RB1: variants seen among roughly 807,000 people sequenced by gnomAD.
RB1 encodes the protein RB transcriptional corepressor 1.
RB1 carries 18 observed loss-of-function variants against 135.4 expected under a neutral mutation model. The observed-to-expected ratio is 0.13, with a 90% CI of 0.09 to 0.20. The LOEUF is 0.20. RB1 is among the 10% of genes least tolerant of loss of function. RB1 has a pLI of 1.00. For missense variants in RB1, 868 were observed against 1,110.0 expected (o/e 0.78, Z 3.10); for synonymous variants, 365 against 373.2 (o/e 0.98, Z 0.25).
intron 1 of RB1, among the ~76,000 whole-genome samples, chr13:48,305,897 T>C (rs1385220315): frequency 2.0e-5 from 3 of 152,248 alleles, no homozygotes; most frequent in Non-Finnish European, 4.4e-5. Context: ...GCCTTATCTC[T>C]GGCCTAAGTA....
rs985825511 is a variant in RB1 at position 48,303,883 on chromosome 13, G to A, written c.-30G>A. 6.6e-7 allele frequency: 1 copy of A among 1,513,622 alleles called. No homozygotes were observed. Among genetic ancestry groups the A allele is most frequent in the African/African-American group, 1.4e-5 (1 of 69,568 alleles). 93.8% of individuals were successfully genotyped at this position (1,513,622 alleles called of 1,614,324 possible). On this transcript the variant is annotated 5_prime_UTR_variant, in exon 1 of 27. Transcript: ENST00000267163. ...TCGTCCTCCCCGGCGCTCCTCCACA[G>A]CTCGCTGGCTCCCGCCGCGGAAAGG...
chr13:48,351,432 G>A (rs1185499168), intron 6 of RB1, among the ~76,000 whole-genome samples: 1 of 151,692 alleles, frequency 6.6e-6, no homozygotes, highest in African/African-American at 2.4e-5. Context: ...TAGTGGGGTT[G>A]GTTTTTTTTC....
Position 48,307,287 on chromosome 13 carries a change from T to A in RB1, c.145T>A (p.Phe49Ile), listed in dbSNP as rs746702843. 2 of 1,605,980 alleles carry A rather than the reference T, an allele frequency of 1.2e-6. No homozygotes were observed. Among genetic ancestry groups the A allele is most frequent in the South Asian group, 2.2e-5 (2 of 90,914 alleles). ...ATTATTTTCATTTGGTAGGCTTGAGTTTGAAGAAACAGAAGAACCTGATTT... is the reference window on the plus strand; with the variant it reads ...ATTATTTTCATTTGGTAGGCTTGAGATTGAAGAAACAGAAGAACCTGATTT... ...PEDLPLVRLE[F>I]EETEEPDFTA... is the part of the protein sequence containing the mutation. Residue 49 changes from phenylalanine to isoleucine, a missense_variant, in exon 2 of 27, where the codon TTT becomes ATT. Physicochemically the swap from Phe to Ile is conservative, Grantham distance 21 (BLOSUM62 0). Transcript: ENST00000267163.
intron 17 of RB1, chr13:48,404,290 G>T: frequency 6.6e-6 from 1 of 152,166 alleles, no homozygotes; most frequent in East Asian, 1.9e-4. Flanking sequence ...AGGAAAGGCA[G>T]TTCTTCCTAG....
At chr13:48,411,619 C>G (rs1376672116) in intron 17 of RB1, 1 of 1,612,088 alleles carries the variant, frequency 6.2e-7, no homozygotes, top group East Asian at 2.2e-5. Flanking sequence ...ATTGTCCTTA[C>G]TGCTGCCACT....
intron 2 of RB1, chr13:48,327,949 C>A: frequency 2.0e-6 from 1 of 510,748 alleles, no homozygotes; most frequent in Non-Finnish European, 3.5e-6. Flanking sequence ...ATTGGTGTAC[C>A]ACTCAATCTT....
At chr13:48,342,344 C>T (rs1952452514) in intron 2 of RB1, among the ~76,000 whole-genome samples, 1 of 151,114 alleles carries the variant, frequency 6.6e-6, no homozygotes, top group African/African-American at 2.4e-5. Flanking sequence ...CTAAAGTTTC[C>T]ACAATAACTT....
chr13:48,426,522 C>A (rs1490755165), intron 17 of RB1: 1 of 152,178 alleles, frequency 6.6e-6, no homozygotes, highest in Non-Finnish European at 1.5e-5. Flanking sequence ...GTCTTAATAT[C>A]CTCTAATGTT....
rs115182578 is a variant in RB1 at position 48,461,277 on chromosome 13, G to A, written c.2106+1444G>A. Among the ~76,000 whole-genome samples the A allele has an allele frequency of 1.0e-2, 1,520 of 152,170 alleles. 36 individuals carry two copies. The highest frequency in any genetic ancestry group is 0.035 in the African/African-American group (1,442 of 41,526). ...AATTATATAATATGTGGTCTTTTGT[G>A]TATGGCTTCTTTCATTTAGCATAAT... On this transcript the variant is annotated intron_variant, in intron 20 of 26. Transcript: ENST00000267163.
rs1451667942 is a variant in RB1, at chr13:48,465,281, G to A, written c.2402G>A (p.Gly801Glu). 2 of 1,612,246 alleles carry A rather than the reference G, an allele frequency of 1.2e-6. No individual in the cohort carries two copies. The highest frequency in any genetic ancestry group is 8.5e-7 in the Non-Finnish European group (1 of 1,178,390). The change falls in exon 23 of 27, where the codon GGA becomes GAA. Residue 801 changes from glycine to glutamate, a missense_variant. Coordinates refer to ENST00000267163, the MANE Select transcript of RB1 (RefSeq NM_000321.3). ...KFPSSPLRIP[G>E]GNIYISPLKS... ...CCTAGTTCACCCTTACGGATTCCTG[G>A]AGGGAACATCTATATTTCACCCCTG... is the stretch of plus-strand genomic sequence containing the variant.
intron 11 of RB1, among the ~76,000 whole-genome samples, chr13:48,370,011 C>T (rs577876078): frequency 6.6e-6 from 1 of 152,198 alleles, no homozygotes; most frequent in South Asian, 2.1e-4. Context: ...TAATATATTT[C>T]AAATGACTGT....
intron 2 of RB1, among the ~76,000 whole-genome samples, chr13:48,313,517 T>G (rs867768107): frequency 3.5e-4 from 52 of 146,782 alleles, no homozygotes; most frequent in African/African-American, 8.5e-4. Context: ...CAGTCTTGGG[T>G]TTTTTTTTGT....
intron 17 of RB1, among the ~76,000 whole-genome samples, chr13:48,399,915 T>C (rs1394839060): frequency 1.3e-5 from 2 of 152,020 alleles, no homozygotes; most frequent in Non-Finnish European, 2.9e-5. Flanking sequence ...TAGAGAAATA[T>C]TCATAACTTG....
At chr13:48,455,202 C>T (rs1383944385) in intron 18 of RB1, among the ~76,000 whole-genome samples, 2 of 151,840 alleles carry the variant, frequency 1.3e-5, no homozygotes, top group Admixed American at 6.6e-5. Flanking sequence ...TAAAAATAAC[C>T]CTAGGTTTTT....
intron 9 of RB1, 78 bp from the exon 10 acceptor site, chr13:48,367,416 A>G: frequency 1.3e-6 from 2 of 1,487,832 alleles, no homozygotes; most frequent in Non-Finnish European, 1.8e-6. Flanking sequence ...AAAATTCTTT[A>G]ATGAAATCTG....
At chr13:48,323,657 T>A (rs1263209515) in intron 2 of RB1, among the ~76,000 whole-genome samples, 1 of 152,108 alleles carries the variant, frequency 6.6e-6, no homozygotes, top group Non-Finnish European at 1.5e-5. Context: ...TTGTACTGCC[T>A]ACTTTTAGAA....
chr13:48,408,800 T>C (rs1948762867), intron 17 of RB1: 2 of 152,200 alleles, frequency 1.3e-5, no homozygotes, highest in Non-Finnish European at 2.9e-5. Context: ...AGTTTCTTTA[T>C]GAACATAGTA....
At chr13:48,411,647 T>C (rs1371085539) in intron 17 of RB1, 2 of 1,611,542 alleles carry the variant, frequency 1.2e-6, no homozygotes, top group African/African-American at 2.7e-5. Context: ...AATTAACAAA[T>C]GTTTGTGTTC....
At chr13:48,397,555 A>T (rs1022325491) in intron 17 of RB1, among the ~76,000 whole-genome samples, 1 of 152,178 alleles carries the variant, frequency 6.6e-6, no homozygotes, top group Non-Finnish European at 1.5e-5. Flanking sequence ...TGATGGGTTG[A>T]TAGGTGCAGC....
Sources: allele counts gnomAD v4.1 joint callset (sites outside exome capture counted in the v4.1 genomes callset), GRCh38; gene constraint gnomAD v4.1.1; transcripts MANE v1.5; gene names NCBI Gene and HGNC (gene_info 2026-07-23, HGNC 2026-07-21).